CAMTA1: variants seen among roughly 807,000 people sequenced by gnomAD.
The protein encoded by CAMTA1 is calmodulin-binding transcription activator 1.
A neutral mutation model predicts 170.9 loss-of-function variants in CAMTA1; 27 were observed. The observed-to-expected ratio is 0.16, with a 90% CI of 0.12 to 0.22. The LOEUF (loss-of-function observed/expected upper bound fraction) is 0.22, where lower values mean the gene tolerates loss of function less well. Among genes scored for constraint, CAMTA1 ranks in the 10% least tolerant of loss-of-function variants. CAMTA1 has a pLI of 1.00. For missense variants in CAMTA1, 1,619 were observed against 2,217.2 expected, an observed-to-expected ratio of 0.73 and a Z score of 5.42; for synonymous variants, 833 against 891.5, an observed-to-expected ratio of 0.93 and a Z score of 1.17.
In CAMTA1 at chr1:7,224,102, G is replaced by A. The variant is rs1162025703; in HGVS notation, c.303-25389G>A. 6.6e-6 allele frequency among the ~76,000 whole-genome samples: 1 copy of A among 152,158 alleles called. No individual in the cohort carries two copies. Among genetic ancestry groups the A allele is most frequent in the Non-Finnish European group, 1.5e-5 (1 of 68,026 alleles). On this transcript the variant is annotated intron_variant, in intron 4 of 22. Coordinates refer to ENST00000303635, the MANE Select transcript of CAMTA1 (RefSeq NM_015215.4). The surrounding 1 kb of genome is among the most constrained non-coding windows in gnomAD (Gnocchi z 5.2). The stretch of plus-strand genomic sequence containing the variant: ...GACATGCAGTTGTATAAAGGATGGG[G>A]CACCTTAACGTTTGTAGCACCTTTA...
intron 11 of CAMTA1, among the ~76,000 whole-genome samples, chr1:7,696,995 C>T (rs1309266437): frequency 6.6e-6 from 1 of 152,182 alleles, no homozygotes; most frequent in African/African-American, 2.4e-5. Context: ...CGTCTCACTC[C>T]AGCTACTCCT....
intron 5 of CAMTA1, among the ~76,000 whole-genome samples, chr1:7,356,628 G>T (rs2085136237): frequency 6.6e-6 from 1 of 152,290 alleles, no homozygotes; most frequent in African/African-American, 2.4e-5. Context: ...CCATCAGCAG[G>T]CTGTCTGTCC....
intron 6 of CAMTA1, among the ~76,000 whole-genome samples, chr1:7,512,291 A>G (rs2094211663): frequency 2.6e-5 from 4 of 152,198 alleles, no homozygotes; most frequent in Admixed American, 2.6e-4. Flanking sequence ...TAACATGTGG[A>G]AGGTATCAGT....
rs564428107 is a variant in CAMTA1 at position 7,458,907 on chromosome 1, G to A, written c.439-8923G>A. Among the ~76,000 whole-genome samples the A allele has an allele frequency of 5.3e-5, 8 of 152,354 alleles. No individual in the cohort carries two copies. In the East Asian group the frequency reaches 1.2e-3, roughly 22 times the overall value. On this transcript the variant is annotated intron_variant, in intron 5 of 22. Coordinates refer to ENST00000303635, the MANE Select transcript of CAMTA1 (RefSeq NM_015215.4). ...ACTGCAATCCATTTAGCTCAAACTC[G>A]TTTTAAAGCAATTCACTATTTAACA...
intron 3 of CAMTA1, among the ~76,000 whole-genome samples, chr1:6,883,125 T>G (rs1482066501): frequency 6.6e-6 from 1 of 151,946 alleles, no homozygotes; most frequent in Non-Finnish European, 1.5e-5. Flanking sequence ...ATCCCCTGAC[T>G]TCAAGTGATC....
At chr1:7,282,476 G>C (rs775147083) in intron 5 of CAMTA1, among the ~76,000 whole-genome samples, 1 of 152,146 alleles carries the variant, frequency 6.6e-6, no homozygotes, top group African/African-American at 2.4e-5. Context: ...TCAACTGGAC[G>C]GGTGGTTTCT....
chr1:7,730,818 A>T (rs2096726443), intron 11 of CAMTA1, among the ~76,000 whole-genome samples: 1 of 151,934 alleles, frequency 6.6e-6, no homozygotes, highest in Non-Finnish European at 1.5e-5. Context: ...ATAATCGCTT[A>T]AACTCAGGAG....
chr1:7,717,810 G>GA (rs979669309), intron 11 of CAMTA1, among the ~76,000 whole-genome samples: 4 of 152,114 alleles, frequency 2.6e-5, no homozygotes, highest in African/African-American at 9.7e-5. Flanking sequence ...TAACTTGGCT[G>GA]AAAAAAAGCC....
intron 4 of CAMTA1, among the ~76,000 whole-genome samples, chr1:7,127,247 CTTTTTTTTTTTT>C (rs61211407): frequency 4.1e-5 from 3 of 73,500 alleles, no homozygotes; most frequent in East Asian, 5.0e-4. Context: ...GCCAGAGGGG[CTTTTTTTTTTTT>C]TTTTTTTTTT....
chr1:7,307,044 G>C (rs1675701471), intron 5 of CAMTA1, among the ~76,000 whole-genome samples: 1 of 151,732 alleles, frequency 6.6e-6, no homozygotes, highest in African/African-American at 2.4e-5. Context: ...TATCCACAGG[G>C]GTTCCTGGAA....
At chr1:6,874,082 G>A (rs1356653632) in intron 3 of CAMTA1, 1 of 152,236 alleles carries the variant, frequency 6.6e-6, no homozygotes, top group East Asian at 1.9e-4. Flanking sequence ...TCTGTGAAAT[G>A]TAGATACTGT....
intron 7 of CAMTA1, among the ~76,000 whole-genome samples, chr1:7,651,444 A>T (rs1316678673): frequency 6.6e-6 from 1 of 152,100 alleles, no homozygotes; most frequent in African/African-American, 2.4e-5. Context: ...CATCCTTCCA[A>T]GAGTTACTGC....
At chr1:7,430,503 GTGA>G (rs762883092) in intron 5 of CAMTA1, among the ~76,000 whole-genome samples, 1 of 151,620 alleles carries the variant, frequency 6.6e-6, no homozygotes, top group African/African-American at 2.4e-5. Context: ...TTTGGTGGTG[GTGA>G]TGATGATGGT....
Position 7,680,111 on chromosome 1 carries a change from G to C in CAMTA1, c.2914+2378G>C, listed in dbSNP as rs2096173062. On this transcript the variant is annotated intron_variant, in intron 11 of 22. Transcript: ENST00000303635. This position sits in a 1 kb window ranked among gnomAD's most constrained non-coding sequence, Gnocchi z 4.4. ...CCGCAGTCGCAGCGCAAAGGGGGCC[G>C]CGGGAACAGCTAGTCGGGAGCGCGG... is the stretch of plus-strand genomic sequence containing the variant. 3 of 175,754 alleles carry C rather than the reference G, an allele frequency of 1.7e-5. No homozygotes were observed. The highest frequency in any genetic ancestry group is 6.4e-5 in the Admixed American group (1 of 15,628). 10.9% of individuals were successfully genotyped at this position (175,754 alleles called of 1,614,324 possible). A position where few individuals can be genotyped will look rare whatever the true frequency, so the allele number is the denominator to read the frequency against.
chr1:7,327,418 AAAAAAAAG>A (rs1461787929), intron 5 of CAMTA1, among the ~76,000 whole-genome samples: 1 of 151,680 alleles, frequency 6.6e-6, no homozygotes, highest in East Asian at 1.9e-4. Flanking sequence ...AAAAAAAAAA[AAAAAAAAG>A]AAAAAAGACC....
intron 6 of CAMTA1, among the ~76,000 whole-genome samples, chr1:7,494,443 C>T (rs913516115): frequency 6.6e-6 from 1 of 152,062 alleles, no homozygotes; most frequent in Non-Finnish European, 1.5e-5. Flanking sequence ...TGGCCGTCTC[C>T]GGGGAGTTGA....
chr1:7,489,919 C>G (rs1020366545), intron 6 of CAMTA1, among the ~76,000 whole-genome samples: 6 of 152,188 alleles, frequency 3.9e-5, no homozygotes, highest in African/African-American at 1.4e-4. Context: ...CAGCTTGCTT[C>G]TGGCTGCTCA....
At chr1:6,871,866 T>G in intron 3 of CAMTA1, 3 of 1,457,774 alleles carry the variant, frequency 2.1e-6, no homozygotes, top group Non-Finnish European at 2.7e-6. Flanking sequence ...TTTAATTTAA[T>G]TTCATTTTTT....
chr1:7,707,344 A>G (rs557614601), intron 11 of CAMTA1, among the ~76,000 whole-genome samples: 79 of 152,308 alleles, frequency 5.2e-4, no homozygotes, highest in African/African-American at 1.9e-3. Context: ...GCAAAGTTAA[A>G]GCATTGGTTG....
Sources: allele counts gnomAD v4.1 joint callset (sites outside exome capture counted in the v4.1 genomes callset), GRCh38; gene constraint gnomAD v4.1.1; non-coding constraint Gnocchi (gnomAD v3.1); transcripts MANE v1.5; gene names NCBI Gene and HGNC (gene_info 2026-07-23, HGNC 2026-07-21).